The following RALGAPA2 variants were observed in gnomAD, a reference collection of about 807,000 sequenced individuals.
RALGAPA2 encodes ral GTPase-activating protein subunit alpha-2.
Under a neutral mutation model 230.4 loss-of-function variants are expected in RALGAPA2, and 139 were observed. The observed-to-expected ratio is 0.60, with a 90% CI of 0.53 to 0.69. RALGAPA2 has a LOEUF of 0.69. RALGAPA2 is among the 30% of genes least tolerant of loss of function. RALGAPA2 has a pLI of 0.00. For missense variants in RALGAPA2, 2,163 were observed against 2,276.0 expected (o/e 0.95, Z 1.01); for synonymous variants, 847 against 837.8 (o/e 1.01, Z -0.19).
intron 24 of RALGAPA2, among the ~76,000 whole-genome samples, chr20:20,538,082 G>A (rs994726630): frequency 6.6e-6 from 1 of 152,180 alleles, no homozygotes; most frequent in Non-Finnish European, 1.5e-5. Flanking sequence ...CAGTATGTGA[G>A]GTAGGTGAGG....
At chr20:20,436,083 A>T (rs1354401611) in intron 37 of RALGAPA2, among the ~76,000 whole-genome samples, 1 of 152,226 alleles carries the variant, frequency 6.6e-6, no homozygotes, top group Non-Finnish European at 1.5e-5. Context: ...ACCAGACAGT[A>T]ACAGATTACT....
intron 18 of RALGAPA2, among the ~76,000 whole-genome samples, chr20:20,588,616 C>T (rs886086010): frequency 6.6e-6 from 1 of 152,076 alleles, no homozygotes; most frequent in African/African-American, 2.4e-5. Context: ...CAAATGTAAA[C>T]TGGTACATGC....
intron 9 of RALGAPA2, among the ~76,000 whole-genome samples, chr20:20,633,976 A>G (rs1009208920): frequency 2.0e-5 from 3 of 152,332 alleles, no homozygotes; most frequent in South Asian, 2.1e-4. Flanking sequence ...GCAGGATTGC[A>G]GATTTGATTA....
At chr20:20,427,313 C>T (rs1272001562) in intron 37 of RALGAPA2, among the ~76,000 whole-genome samples, 1 of 152,146 alleles carries the variant, frequency 6.6e-6, no homozygotes, top group Non-Finnish European at 1.5e-5. Context: ...GTATTTTTGG[C>T]TCTTACAAGC....
In RALGAPA2 at chr20:20,436,555, G is replaced by A. The variant is rs370719227; in HGVS notation, c.5496-24407C>T. Among the ~76,000 whole-genome samples, 17 of 152,264 alleles carry A rather than the reference G, an allele frequency of 1.1e-4. No individual in the cohort carries two copies. The East Asian group carries it at 1.5e-3, about 14-fold the overall frequency. On this transcript the variant is annotated intron_variant, in intron 37 of 39. Transcript: ENST00000202677. The stretch of plus-strand genomic sequence containing the variant: ...CGGCAAAGTGTCCCTGCCATCAGCC[G>A]GTCCTGGGCCCTGGCCAGGACACAA...
At chr20:20,546,584 G>C (rs1223781075) in intron 24 of RALGAPA2, 120 bp downstream of exon 24, 7 of 1,276,980 alleles carry the variant, frequency 5.5e-6, no homozygotes, top group Non-Finnish European at 5.1e-6. Flanking sequence ...TATCTACCCT[G>C]AGAGCCCAGT....
intron 2 of RALGAPA2, among the ~76,000 whole-genome samples, chr20:20,678,526 GCTC>G (rs2068413682): frequency 6.6e-6 from 1 of 151,878 alleles, no homozygotes; most frequent in African/African-American, 2.4e-5. Context: ...CCCCTTATCT[GCTC>G]CTCCTTACAT....
intron 37 of RALGAPA2, chr20:20,471,381 T>C (rs1388735878): frequency 6.6e-6 from 1 of 151,076 alleles, no homozygotes; most frequent in Non-Finnish European, 1.5e-5. Context: ...ATGGAATTAA[T>C]ATAAAATGGA....
At chr20:20,445,839 C>T (rs1242331923) in intron 37 of RALGAPA2, among the ~76,000 whole-genome samples, 4 of 152,170 alleles carry the variant, frequency 2.6e-5, no homozygotes, top group African/African-American at 4.8e-5. Flanking sequence ...CCAGCAACTG[C>T]TTTGAAAGAA....
At chr20:20,705,964 G>A (rs73298838) in intron 1 of RALGAPA2, among the ~76,000 whole-genome samples, 2,780 of 152,222 alleles carry the variant, frequency 0.018, 92 homozygotes, top group African/African-American at 0.064. Flanking sequence ...ACCGCACCCC[G>A]CCAAGGTTTT....
intron 16 of RALGAPA2, among the ~76,000 whole-genome samples, chr20:20,598,286 T>C (rs2146175894): frequency 6.6e-6 from 1 of 152,326 alleles, no homozygotes; most frequent in African/African-American, 2.4e-5. Flanking sequence ...TTTTCTAGTT[T>C]ATTCATTTTT....
At chr20:20,551,001 G>A (rs570109056) in intron 23 of RALGAPA2, among the ~76,000 whole-genome samples, 22 of 152,202 alleles carry the variant, frequency 1.4e-4, no homozygotes, top group Non-Finnish European at 2.4e-4. Flanking sequence ...CTCTTAGATC[G>A]CACATTACCC....
intron 10 of RALGAPA2, among the ~76,000 whole-genome samples, chr20:20,628,435 G>A (rs2066561106): frequency 6.6e-6 from 1 of 152,136 alleles, no homozygotes; most frequent in African/African-American, 2.4e-5. Flanking sequence ...CACATTCCCT[G>A]TTTTCAAGAG....
Position 20,531,777 on chromosome 20 carries a change from G to A in RALGAPA2, c.3492C>T (p.Ser1164=), listed in dbSNP as rs762338896. 6.2e-7 allele frequency: 1 copy of A among 1,603,722 alleles called. No homozygotes were observed. Among genetic ancestry groups the A allele is most frequent in the South Asian group, 1.1e-5 (1 of 89,002 alleles). The change falls in exon 27 of 40, where the codon TCC becomes TCT. Residue 1164 remains serine (S), a synonymous_variant. Transcript: ENST00000202677. ...GCTCTTCACATATCCAGACCCCAAGGGAGCAAACAGCAATGCATCTTTTTA... is the reference window on the plus strand; with the variant it reads ...GCTCTTCACATATCCAGACCCCAAGAGAGCAAACAGCAATGCATCTTTTTA... ...NEYARCIAVC[S]LGVWICEELA...
In RALGAPA2 at chr20:20,398,969, G is replaced by A. The variant is rs544890669; in HGVS notation, c.5618-2235C>T. Among the ~76,000 whole-genome samples, 140 of 152,296 alleles carry A rather than the reference G, an allele frequency of 9.2e-4. 1 individual carries two copies. The highest frequency in any genetic ancestry group is 3.5e-4 in the Non-Finnish European group (24 of 68,016). On this transcript the variant is annotated intron_variant, in intron 38 of 39. Transcript: ENST00000202677. The surrounding 1 kb of genome is among the most constrained non-coding windows in gnomAD (Gnocchi z 4.5). ...TACTGTAAGTAAACAGATACACAGT[G>A]TTTCTGTGGTGTTTCAGGGGAGGGG...
At chr20:20,623,777 T>C (rs149938992) in intron 10 of RALGAPA2, among the ~76,000 whole-genome samples, 85 of 152,362 alleles carry the variant, frequency 5.6e-4, no homozygotes, top group Non-Finnish European at 1.0e-3. Flanking sequence ...AGTTATTACA[T>C]GTCTTTTTAA....
chr20:20,493,396 T>C (rs1441157910), intron 36 of RALGAPA2, among the ~76,000 whole-genome samples: 2 of 152,248 alleles, frequency 1.3e-5, no homozygotes, highest in Admixed American at 6.5e-5. Context: ...TCAATTCATC[T>C]TGTCAGAATT....
In RALGAPA2 at chr20:20,513,179, A is replaced by G; in HGVS notation, c.4190T>C (p.Ile1397Thr). The G allele has an allele frequency of 6.5e-7, 1 of 1,536,704 alleles. No individual in the cohort carries two copies. Among genetic ancestry groups the G allele is most frequent in the Non-Finnish European group, 8.7e-7 (1 of 1,145,788 alleles). ...GTTCTCGCTGACAAGGCTGTGCAGT[A>G]TGGCAGGGCCCCCACTGAGGGGGTA... ...GHYPLSGGPAILHSLVSENHD... is the reference protein window; with the variant it reads ...GHYPLSGGPATLHSLVSENHD... The change falls in exon 32 of 40, where the codon ATA (isoleucine) becomes ACA (threonine). Residue 1397 changes from isoleucine (I) to threonine (T), a missense_variant. Transcript: ENST00000202677.
Position 20,688,222 on chromosome 20 carries a change from C to T in RALGAPA2, c.107-7421G>A, listed in dbSNP as rs1485319815. Among the ~76,000 whole-genome samples the T allele has an allele frequency of 5.3e-5, 8 of 152,030 alleles. No homozygotes were observed. In the East Asian group the frequency reaches 1.5e-3, roughly 29 times the overall value. ...CTTTAAAATGTCTCCTGGAGAATCA[C>T]TTGAACCCAGGAGGCAGAGGTTGCG... On this transcript the variant is annotated intron_variant, in intron 1 of 39. Transcript: ENST00000202677.
Sources: allele counts gnomAD v4.1 joint callset (sites outside exome capture counted in the v4.1 genomes callset), GRCh38; gene constraint gnomAD v4.1.1; non-coding constraint Gnocchi (gnomAD v3.1); transcripts MANE v1.5; gene names NCBI Gene and HGNC (gene_info 2026-07-23, HGNC 2026-07-21).